GBF1: variants seen among roughly 807,000 people sequenced by gnomAD.
GBF1 encodes the protein Golgi-specific brefeldin A-resistance guanine nucleotide exchange factor 1.
In GBF1, 114 loss-of-function variants were observed where a neutral mutation model predicts 210.5. The observed-to-expected ratio is 0.54, with a 90% CI of 0.47 to 0.63. The LOEUF (loss-of-function observed/expected upper bound fraction) is 0.63. Ranked by LOEUF, GBF1 falls within the 30% of genes least tolerant of loss-of-function variation. GBF1 has a pLI of 0.00. For missense variants in GBF1, 1,851 were observed against 2,357.7 expected (o/e 0.79, Z 4.45); for synonymous variants, 850 against 889.2 (o/e 0.96, Z 0.78).
At chr10:102,279,679 T>G (rs1313420940) in intron 3 of GBF1, among the ~76,000 whole-genome samples, 2 of 152,212 alleles carry the variant, frequency 1.3e-5, no homozygotes, top group Non-Finnish European at 2.9e-5. Flanking sequence ...GATGCATGAC[T>G]GAGCCTCCAA....
intron 20 of GBF1, 131 bp downstream of exon 20, chr10:102,367,341 T>C: frequency 1.7e-6 from 2 of 1,181,930 alleles, no homozygotes; most frequent in East Asian, 4.7e-5. Context: ...CTGGCCAACC[T>C]AGAAAAGGGA....
Position 102,324,213 on chromosome 10 carries a change from A to T in GBF1, c.164-19838A>T, listed in dbSNP as rs750565680. ...AGGAAAGCAGCAGGTGATGGAATGC[A>T]TAAAGGATCGGGGCAGGGCTAGAGT... is the stretch of plus-strand genomic sequence containing the variant. On this transcript the variant is annotated intron_variant, in intron 3 of 39. Transcript: ENST00000369983. 1.5e-4 allele frequency among the ~76,000 whole-genome samples: 23 copies of T among 152,186 alleles called. 1 individual carries two copies. Among genetic ancestry groups the T allele is most frequent in the Non-Finnish European group, 4.4e-5 (3 of 68,040 alleles).
At chr10:102,242,177 G>T (rs1268045341), upstream of GBF1, among the ~76,000 whole-genome samples, 2 of 152,088 alleles carry the variant, frequency 1.3e-5, no homozygotes, top group Non-Finnish European at 2.9e-5. Flanking sequence ...TCTTCTCCAA[G>T]GAAGGTGACT....
At chr10:102,264,886 A>C (rs1292911276) in intron 3 of GBF1, among the ~76,000 whole-genome samples, 1 of 152,212 alleles carries the variant, frequency 6.6e-6, no homozygotes, top group East Asian at 1.9e-4. Context: ...CAGAAGGGCC[A>C]CTGCCTCTCT....
intron 29 of GBF1, among the ~76,000 whole-genome samples, chr10:102,373,572 A>G (rs535603509): frequency 1.3e-5 from 2 of 152,366 alleles, no homozygotes; most frequent in African/African-American, 4.8e-5. Context: ...TCCAAAAAAT[A>G]AAAACACAAT....
At chr10:102,364,864 A>T (rs1176082035) in intron 17 of GBF1, among the ~76,000 whole-genome samples, 1 of 152,044 alleles carries the variant, frequency 6.6e-6, no homozygotes, top group Non-Finnish European at 1.5e-5. Context: ...AAGAAAAAAA[A>T]AACCTAACCC....
chr10:102,359,148 G>A (rs1438267978), intron 10 of GBF1, 119 bp from the exon 11 acceptor site: 3 of 724,806 alleles, frequency 4.1e-6, no homozygotes, highest in South Asian at 3.0e-5. Flanking sequence ...AAACCACTGA[G>A]TTGGCCCTAC....
chr10:102,370,422 T>C lies in GBF1; in HGVS notation c.3450T>C (p.Asp1150=). The C allele has an allele frequency of 1.2e-6, 2 of 1,613,280 alleles. No individual in the cohort carries two copies. The highest frequency in any genetic ancestry group is 1.3e-5 in the African/African-American group (1 of 75,028). The change falls in exon 28 of 40, where the codon GAT becomes GAC. Residue 1150 remains aspartate, a synonymous_variant. Coordinates refer to ENST00000369983, the MANE Select transcript of GBF1 (RefSeq NM_001377137.1). ...TGACACCAGATGAAGAGACATATGA[T>C]GAGGAAGATGCTGCTTTCTGCCTAG... ...VSVTPDEETY[D]EEDAAFCLEM...
In GBF1 at chr10:102,379,948, C is replaced by T. The variant is rs772427643; in HGVS notation, c.4872C>T (p.Leu1624=). Residue 1624 remains leucine, a synonymous_variant, in exon 36 of 40, where the codon CTC becomes CTT. Coordinates refer to ENST00000369983, the MANE Select transcript of GBF1 (RefSeq NM_001377137.1). ...EETRMRASTL[L]SKVFLQHLSP... ...CCCGGATGAGGGCTTCCACATTGCT[C>T]TCTAAGGTACTGCTCACCACCCTAT... 3.8e-6 allele frequency: 6 copies of T among 1,596,572 alleles called. No individual in the cohort carries two copies. The highest frequency in any genetic ancestry group is 1.7e-5 in the Admixed American group (1 of 59,722).
At chr10:102,308,820 A>C (rs2078159076) in intron 3 of GBF1, among the ~76,000 whole-genome samples, 1 of 151,978 alleles carries the variant, frequency 6.6e-6, no homozygotes, top group Non-Finnish European at 1.5e-5. Flanking sequence ...GCACATGTAT[A>C]CATATGTAAC....
intron 3 of GBF1, among the ~76,000 whole-genome samples, chr10:102,279,887 C>T (rs1387873152): frequency 4.6e-5 from 7 of 152,074 alleles, no homozygotes; most frequent in South Asian, 2.1e-4. Context: ...GGGAGGGCGA[C>T]GCAAGAGGAT....
Position 102,379,912 on chromosome 10 carries a change from G to A in GBF1, c.4836G>A (p.Gly1612=). The A allele has an allele frequency of 6.2e-7, 1 of 1,613,636 alleles. No homozygotes were observed. Among genetic ancestry groups the A allele is most frequent in the African/African-American group, 1.3e-5 (1 of 75,018 alleles). Residue 1612 remains glycine, a synonymous_variant, in exon 36 of 40, where the codon GGG becomes GGA. Coordinates refer to ENST00000369983, the MANE Select transcript of GBF1 (RefSeq NM_001377137.1). ...LENISPADVG[G]MEETRMRAST... Reference sequence around the variant, plus strand: ...ACATCAGCCCTGCAGATGTGGGTGGGATGGAGGAGACCCGGATGAGGGCTT... The same window carrying A: ...ACATCAGCCCTGCAGATGTGGGTGGAATGGAGGAGACCCGGATGAGGGCTT...
At chr10:102,282,920 A>C (rs2075625993) in intron 3 of GBF1, among the ~76,000 whole-genome samples, 1 of 152,240 alleles carries the variant, frequency 6.6e-6, no homozygotes, top group Non-Finnish European at 1.5e-5. Context: ...CATGGCACTT[A>C]ACTGACTCTG....
At position 102,358,000 on chromosome 10, in the gene GBF1, AG is replaced by A. The variant is rs768719619; in HGVS notation, c.640-38del. 3 of 1,404,468 alleles carry A rather than the reference AG, an allele frequency of 2.1e-6. No individual in the cohort carries two copies. The Admixed American group carries it at 5.0e-5, about 24-fold the overall frequency. The allele number at this position is 1,404,468 out of a possible 1,614,324, so 87.0% of individuals were successfully genotyped here. A position where few individuals can be genotyped will look rare whatever the true frequency, so the allele number is the denominator to read the frequency against. ...GGGAGATTAATAGGGATAGAGTCTT[AG>A]TTTGAATACCATTGCTAATGGGGTA... On this transcript the variant is annotated intron_variant, in intron 8 of 39. Transcript: ENST00000369983.
At chr10:102,270,788 T>C (rs1228788097) in intron 3 of GBF1, among the ~76,000 whole-genome samples, 2 of 152,212 alleles carry the variant, frequency 1.3e-5, no homozygotes, top group South Asian at 2.1e-4. Flanking sequence ...CTTTTATAGC[T>C]ATAATTGGTT....
intron 3 of GBF1, among the ~76,000 whole-genome samples, chr10:102,275,046 C>T (rs924943328): frequency 6.9e-6 from 1 of 145,256 alleles, no homozygotes; most frequent in Non-Finnish European, 1.5e-5. Flanking sequence ...GAATCTTGCT[C>T]TGTTGCCCAG....
At chr10:102,285,322 A>G (rs989349361) in intron 3 of GBF1, among the ~76,000 whole-genome samples, 1 of 152,228 alleles carries the variant, frequency 6.6e-6, no homozygotes, top group African/African-American at 2.4e-5. Flanking sequence ...CAGTTTGCTT[A>G]CACATTACCA....
rs1235663494 is a variant in GBF1, at chr10:102,358,106, C to T, written c.707C>T (p.Pro236Leu). The T allele has an allele frequency of 6.2e-7, 1 of 1,610,352 alleles. No individual in the cohort carries two copies. The highest frequency in any genetic ancestry group is 1.1e-5 in the South Asian group (1 of 91,006). ...AAGAAACAGAAGAGATCCCCTCGGCCCCCACGCCATATGACCAAAGTCACA... is the reference window on the plus strand; with the variant it reads ...AAGAAACAGAAGAGATCCCCTCGGCTCCCACGCCATATGACCAAAGTCACA... ...KWKKQKRSPR[P>L]PRHMTKVTPG... Residue 236 changes from proline (P) to leucine (L), a missense_variant, in exon 9 of 40, where the codon CCC becomes CTC. By Grantham distance (98) the Pro-to-Leu change is moderately conservative (BLOSUM62 -3). Coordinates refer to ENST00000369983, the MANE Select transcript of GBF1 (RefSeq NM_001377137.1).
chr10:102,351,503 G>T, intron 5 of GBF1, 129 bp downstream of exon 5: 1 of 661,612 alleles, frequency 1.5e-6, no homozygotes, highest in Non-Finnish European at 2.7e-6. Flanking sequence ...TTTGTTTCCA[G>T]ACAAGCAGCT....
Sources: allele counts gnomAD v4.1 joint callset (sites outside exome capture counted in the v4.1 genomes callset), GRCh38; gene constraint gnomAD v4.1.1; transcripts MANE v1.5; gene names NCBI Gene and HGNC (gene_info 2026-07-23, HGNC 2026-07-21).